SGCD: variants seen among roughly 807,000 people sequenced by gnomAD.
SGCD encodes the protein delta-sarcoglycan.
A neutral mutation model predicts 36.6 loss-of-function variants in SGCD; 18 were observed. That is an observed-to-expected ratio of 0.49 (90% CI 0.34 to 0.73). SGCD has a LOEUF of 0.73. Ranked by LOEUF, SGCD falls within the 30% of genes least tolerant of loss-of-function variation. SGCD has a pLI of 0.01. For missense variants in SGCD, 387 were observed against 346.7 expected (o/e 1.12, Z -0.92); for synonymous variants, 133 against 130.6 (o/e 1.02, Z -0.12).
At chr5:156,641,229 G>A (rs1353763509) in intron 6 of SGCD, among the ~76,000 whole-genome samples, 1 of 152,164 alleles carries the variant, frequency 6.6e-6, no homozygotes. Flanking sequence ...ACTAACATAT[G>A]TGCTGTAGAG....
At chr5:156,108,999 C>T (rs982021784) in intron 1 of SGCD, among the ~76,000 whole-genome samples, 20 of 152,106 alleles carry the variant, frequency 1.3e-4, no homozygotes, top group African/African-American at 3.6e-4. Context: ...GCTAGTAACC[C>T]ACCTCTCAAG....
the SGCD span, among the ~76,000 whole-genome samples, chr5:155,779,357 G>A: frequency 6.6e-6 from 1 of 152,038 alleles, no homozygotes; most frequent in African/African-American, 2.4e-5. Context: ...AGAATTGCTA[G>A]AGCCTGAGAG....
At chr5:156,290,386 C>G (rs928280690) in intron 3 of SGCD, among the ~76,000 whole-genome samples, 3 of 152,112 alleles carry the variant, frequency 2.0e-5, no homozygotes, top group African/African-American at 7.2e-5. Flanking sequence ...CCTGGTTACT[C>G]CCTAGTATCT....
At chr5:155,800,559 C>T in the SGCD span, among the ~76,000 whole-genome samples, 42 of 149,482 alleles carry the variant, frequency 2.8e-4, no homozygotes, top group Admixed American at 1.0e-3. Context: ...TGAAGGTAAA[C>T]TTGTTCTTTT....
At chr5:156,613,444 CTT>C (rs1761904267) in intron 6 of SGCD, among the ~76,000 whole-genome samples, 1 of 152,208 alleles carries the variant, frequency 6.6e-6, no homozygotes, top group Non-Finnish European at 1.5e-5. Flanking sequence ...TTACACAGCC[CTT>C]TTCACACATG....
At chr5:156,128,882 C>T (rs1762244510) in intron 3 of SGCD, among the ~76,000 whole-genome samples, 1 of 152,178 alleles carries the variant, frequency 6.6e-6, no homozygotes, top group South Asian at 2.1e-4. Flanking sequence ...TACTATTCAA[C>T]AATAAAAAGA....
intron 1 of SGCD, among the ~76,000 whole-genome samples, chr5:156,017,251 G>A (rs1759004739): frequency 1.3e-5 from 2 of 151,940 alleles, no homozygotes; most frequent in East Asian, 1.9e-4. Flanking sequence ...TTGAGATGAC[G>A]CTGCAAATAT....
intron 4 of SGCD, among the ~76,000 whole-genome samples, chr5:156,540,977 G>A (rs531514883): frequency 3.9e-5 from 6 of 152,236 alleles, no homozygotes; most frequent in South Asian, 4.1e-4. Flanking sequence ...ATTTTGTTAA[G>A]AACTATGAAG....
intron 3 of SGCD, among the ~76,000 whole-genome samples, chr5:156,460,684 A>AT (rs1754448003): frequency 6.6e-6 from 1 of 152,288 alleles, no homozygotes; most frequent in African/African-American, 2.4e-5. Flanking sequence ...ATAGCCTGAG[A>AT]TAGTTAAGGG....
At chr5:156,577,521 C>A (rs1237587497) in intron 4 of SGCD, among the ~76,000 whole-genome samples, 1 of 152,184 alleles carries the variant, frequency 6.6e-6, no homozygotes, top group Non-Finnish European at 1.5e-5. Context: ...TGGCCATTTT[C>A]ACAATATTTA....
intron 6 of SGCD, among the ~76,000 whole-genome samples, chr5:156,637,632 G>C (rs1164712179): frequency 6.6e-6 from 1 of 152,078 alleles, no homozygotes; most frequent in Non-Finnish European, 1.5e-5. Flanking sequence ...AAGGGAGTCT[G>C]GGAAAGTATT....
chr5:156,457,631 C>T (rs1754316237), intron 3 of SGCD, among the ~76,000 whole-genome samples: 1 of 152,156 alleles, frequency 6.6e-6, no homozygotes, highest in African/African-American at 2.4e-5. Context: ...CTTCAAGACC[C>T]CTGCCCAGTA....
At chr5:156,518,374 C>A (rs149385521) in intron 4 of SGCD, among the ~76,000 whole-genome samples, 472 of 152,216 alleles carry the variant, frequency 3.1e-3, no homozygotes, top group African/African-American at 0.011. Context: ...ACTTAGACTC[C>A]CACACAATAA....
intron 6 of SGCD, among the ~76,000 whole-genome samples, chr5:156,631,009 C>A (rs544268996): frequency 1.5e-4 from 23 of 152,084 alleles, no homozygotes; most frequent in Non-Finnish European, 3.1e-4. Context: ...AGAAAATATA[C>A]CTGCCCCAGC....
At position 156,229,297 on chromosome 5, in the gene SGCD, T is replaced by TACACATATATATATATATATATATAA. The variant is rs757678815; in HGVS notation, c.-43-100236_-43-100235insCACATATATATATATATATATATAAA. 2.9e-3 allele frequency among the ~76,000 whole-genome samples: 352 copies of TACACATATATATATATATATATATAA among 119,848 alleles called. 16 individuals are homozygous for TACACATATATATATATATATATATAA. The highest frequency in any genetic ancestry group is 8.4e-3 in the South Asian group (30 of 3,588). The allele number at this position is 119,848 out of a possible 152,430, so 78.6% of individuals were successfully genotyped here. A position where few individuals can be genotyped will look rare whatever the true frequency, so the allele number is the denominator to read the frequency against. The stretch of plus-strand genomic sequence containing the variant: ...ACATACATATATATATATATATATA[T>TACACATATATATATATATATATATAA]ATAAAATTAGTTCTTCCATTGGTTC... On this transcript the variant is annotated intron_variant, in intron 3 of 9. Transcript: ENST00000517913.
intron 4 of SGCD, among the ~76,000 whole-genome samples, chr5:156,571,382 C>G (rs1759718771): frequency 6.6e-6 from 1 of 151,928 alleles, no homozygotes; most frequent in Non-Finnish European, 1.5e-5. Flanking sequence ...TTTTTTTGGT[C>G]TTTCTTTCTG....
intron 3 of SGCD, among the ~76,000 whole-genome samples, chr5:156,470,041 A>G (rs1754886550): frequency 6.6e-6 from 1 of 152,240 alleles, no homozygotes. Context: ...AGAAATATGT[A>G]TACATTATAT....
At chr5:156,684,955 G>T (rs1282033513) in intron 7 of SGCD, among the ~76,000 whole-genome samples, 1 of 152,084 alleles carries the variant, frequency 6.6e-6, no homozygotes, top group Non-Finnish European at 1.5e-5. Flanking sequence ...GGCTGCAGTG[G>T]ATATCATCTG....
At chr5:155,887,525 C>T (rs1475585049) in intron 1 of SGCD, among the ~76,000 whole-genome samples, 1 of 151,082 alleles carries the variant, frequency 6.6e-6, no homozygotes, top group Middle Eastern at 3.2e-3. Context: ...TCTGGAAGTG[C>T]CTGTGTTTCT....
Sources: allele counts gnomAD v4.1 joint callset (sites outside exome capture counted in the v4.1 genomes callset), GRCh38; gene constraint gnomAD v4.1.1; transcripts MANE v1.5; gene names NCBI Gene and HGNC (gene_info 2026-07-23, HGNC 2026-07-21).